SIMC1: variants seen among roughly 807,000 people sequenced by gnomAD.
The protein encoded by SIMC1 is SUMO interacting motifs containing 1, also known as SUMO-interacting motif-containing protein 1.
SIMC1 carries 55 observed loss-of-function variants against 82.3 expected under a neutral mutation model. The ratio of observed to expected loss-of-function variants is 0.67; its 90% CI spans 0.54 to 0.84. The LOEUF is 0.84. Among genes scored for constraint, SIMC1 ranks in the 40% least tolerant of loss-of-function variants. The pLI, the probability that SIMC1 is intolerant of heterozygous loss-of-function variation, is 0.00. For synonymous variants in SIMC1, 353 were observed against 426.3 expected (o/e 0.83, Z 2.12); for missense variants, 915 against 1,107.2 (o/e 0.83, Z 2.46).
At chr5:176,291,485 C>T (rs1395504815) in intron 2 of SIMC1, among the ~76,000 whole-genome samples, 3 of 151,938 alleles carry the variant, frequency 2.0e-5, no homozygotes, top group Non-Finnish European at 2.9e-5. Flanking sequence ...TATAGGCGCC[C>T]GCTACCACGC....
At chr5:176,329,675 CAAAAT>C (rs1427081025) in intron 7 of SIMC1, among the ~76,000 whole-genome samples, 4 of 152,042 alleles carry the variant, frequency 2.6e-5, no homozygotes, top group African/African-American at 9.7e-5. Flanking sequence ...ATGGTAAAGA[CAAAAT>C]GAACTGAACT....
chr5:176,285,890 T>C (rs1763253932), intron 1 of SIMC1, among the ~76,000 whole-genome samples: 1 of 152,176 alleles, frequency 6.6e-6, no homozygotes, highest in South Asian at 2.1e-4. Flanking sequence ...TCACAATTGC[T>C]TCAAAGAGAA....
chr5:176,325,239 T>C (rs1047994783), intron 7 of SIMC1, among the ~76,000 whole-genome samples: 3 of 151,616 alleles, frequency 2.0e-5, no homozygotes, highest in African/African-American at 4.9e-5. Flanking sequence ...ATACAAAAAT[T>C]AGTTGGGCGT....
intron 4 of SIMC1, among the ~76,000 whole-genome samples, chr5:176,305,305 G>A (rs1326439655): frequency 6.7e-4 from 1 of 1,498 alleles, no homozygotes; most frequent in Non-Finnish European, 1.4e-3. Context: ...CACCCCGTCC[G>A]GGAGGGAGGT....
chr5:176,249,282 T>C (rs1761561417), intron 1 of SIMC1, among the ~76,000 whole-genome samples: 2 of 152,004 alleles, frequency 1.3e-5, no homozygotes, highest in South Asian at 2.1e-4. Flanking sequence ...ATTTCAGAAC[T>C]TGTTATTGGT....
chr5:176,322,122 G>A lies in SIMC1; in HGVS notation c.1890-151G>A, dbSNP rs139820319. ...TAGCCAGAGGGCCCTTTTGTTGCCT[G>A]TAGGGAAATCCAGGGATCTGGGGGC... On this transcript the variant is annotated intron_variant, in intron 5 of 9. Coordinates refer to ENST00000429602, the MANE Select transcript of SIMC1 (RefSeq NM_001308195.2). The A allele has an allele frequency of 1.6e-4, 130 of 807,650 alleles. 1 individual carries two copies. In the African/African-American group the frequency reaches 2.0e-3, roughly 13 times the overall value. The allele number at this position is 807,650 out of a possible 1,614,324, so 50.0% of individuals were successfully genotyped here.
At chr5:176,344,227 C>A (rs547657438) in intron 9 of SIMC1, among the ~76,000 whole-genome samples, 7 of 152,274 alleles carry the variant, frequency 4.6e-5, no homozygotes, top group African/African-American at 1.7e-4. Flanking sequence ...ACTCTTTGGT[C>A]TCCTTTAGTC....
chr5:176,277,901 CT>C (rs1321878291), intron 1 of SIMC1, among the ~76,000 whole-genome samples: 1 of 150,766 alleles, frequency 6.6e-6, no homozygotes, highest in Non-Finnish European at 1.5e-5. Flanking sequence ...CAGCTTTGTT[CT>C]TTTGGCTTAG....
rs976501010 is a variant in SIMC1, at chr5:176,336,836, T to G, written c.2288T>G (p.Leu763Arg). 6 of 1,613,904 alleles carry G rather than the reference T, an allele frequency of 3.7e-6. No individual in the cohort carries two copies. The Admixed American group carries it at 6.7e-5, about 18-fold the overall frequency. The change falls in exon 8 of 10, where the codon CTC (leucine) becomes CGC (arginine). Residue 763 changes from leucine (L) to arginine (R), a missense_variant. Coordinates refer to ENST00000429602, the MANE Select transcript of SIMC1 (RefSeq NM_001308195.2). ...CTGCCTCTGTCTCTGGCCCAGGCCCTCTACTTTCTGAATAATTCTACGTCA... is the reference window on the plus strand; with the variant it reads ...CTGCCTCTGTCTCTGGCCCAGGCCCGCTACTTTCTGAATAATTCTACGTCA... ...TRLPLSLAQA[L>R]YFLNNSTSLL... is the part of the protein sequence containing the mutation.
rs73805773 is a variant in SIMC1, at chr5:176,288,647, C to G, written c.130-1007C>G. 6.6e-3 allele frequency among the ~76,000 whole-genome samples: 1,009 copies of G among 152,246 alleles called. 13 individuals are homozygous for G. The highest frequency in any genetic ancestry group is 0.023 in the African/African-American group (947 of 41,546). On this transcript the variant is annotated intron_variant, in intron 1 of 9. Coordinates refer to ENST00000429602, the MANE Select transcript of SIMC1 (RefSeq NM_001308195.2). ...AGATTTCACCAAGCAATCCCTATTCCAGGATGCCAACTTCTCACTTGACCC... is the reference window on the plus strand; with the variant it reads ...AGATTTCACCAAGCAATCCCTATTCGAGGATGCCAACTTCTCACTTGACCC...
At chr5:176,255,330 C>A (rs2113131535) in intron 1 of SIMC1, among the ~76,000 whole-genome samples, 1 of 151,998 alleles carries the variant, frequency 6.6e-6, no homozygotes, top group Middle Eastern at 3.4e-3. Flanking sequence ...GCCTGTAATC[C>A]CAGCACTTTG....
chr5:176,251,616 G>T (rs1337569373), intron 1 of SIMC1, among the ~76,000 whole-genome samples: 1 of 151,326 alleles, frequency 6.6e-6, no homozygotes, highest in African/African-American at 2.4e-5. Context: ...TCATTCTGGG[G>T]TGTTTCTCGC....
At position 176,272,384 on chromosome 5, in the gene SIMC1, C is replaced by CAAA. The variant is rs70991523; in HGVS notation, c.130-17261_130-17259dup. Among the ~76,000 whole-genome samples the CAAA allele has an allele frequency of 4.2e-5, 6 of 143,316 alleles. No homozygotes were observed. In the East Asian group the frequency reaches 6.0e-4, roughly 14 times the overall value. 94.0% of individuals were successfully genotyped at this position (143,316 alleles called of 152,430 possible). A position where few individuals can be genotyped will look rare whatever the true frequency, so the allele number is the denominator to read the frequency against. ...GAATGCCTTAGCAATTGCAATAAGG[C>CAAA]AAAAAAAAAAACATACAGATTGGAA... On this transcript the variant is annotated intron_variant, in intron 1 of 9. Transcript: ENST00000429602.
At chr5:176,265,125 C>T (rs1238254458) in intron 1 of SIMC1, among the ~76,000 whole-genome samples, 1 of 152,154 alleles carries the variant, frequency 6.6e-6, no homozygotes, top group Non-Finnish European at 1.5e-5. Flanking sequence ...AATATACCCA[C>T]CCCCAACAAC....
chr5:176,280,088 A>G (rs1581247076), intron 1 of SIMC1, among the ~76,000 whole-genome samples: 1 of 152,092 alleles, frequency 6.6e-6, no homozygotes, highest in African/African-American at 2.4e-5. Context: ...AAAGTCTCCC[A>G]TTATTAATGT....
chr5:176,286,934 A>G (rs1358691304), intron 1 of SIMC1, among the ~76,000 whole-genome samples: 2 of 152,250 alleles, frequency 1.3e-5, no homozygotes, highest in Admixed American at 6.5e-5. Flanking sequence ...ATGAGATACC[A>G]TATCACACCA....
intron 9 of SIMC1, among the ~76,000 whole-genome samples, chr5:176,340,038 AGAAGG>A (rs1581336790): frequency 6.6e-6 from 1 of 152,218 alleles, no homozygotes. Flanking sequence ...GAGTGGGAGA[AGAAGG>A]GAAGGGATTA....
intron 4 of SIMC1, among the ~76,000 whole-genome samples, chr5:176,306,433 C>T (rs1764392005): frequency 7.7e-6 from 1 of 130,144 alleles, no homozygotes; most frequent in South Asian, 2.5e-4. Context: ...TCATTGAGAA[C>T]GGGCCAGGAT....
At chr5:176,309,156 G>A (rs982497601) in intron 4 of SIMC1, 30 of 604,184 alleles carry the variant, frequency 5.0e-5, no homozygotes, top group African/African-American at 4.8e-4. Flanking sequence ...AAGATAGATG[G>A]TATTGGCAGA....
Sources: gnomAD v4.1 joint callset for allele counts (sites outside exome capture counted in the v4.1 genomes callset) on GRCh38, gnomAD v4.1.1 for gene constraint, MANE v1.5 for transcripts, NCBI Gene and HGNC (gene_info 2026-07-23, HGNC 2026-07-21) for gene names.